FRK: variants seen among roughly 807,000 people sequenced by gnomAD.
The protein encoded by FRK is tyrosine-protein kinase FRK.
FRK carries 51 observed loss-of-function variants against 56.4 expected under a neutral mutation model. The ratio of observed to expected loss-of-function variants is 0.90; its 90% CI spans 0.72 to 1.14. FRK has a LOEUF of 1.14. FRK is among the 50% of genes most tolerant of loss of function. The probability of loss-of-function intolerance (pLI) is 0.00; values close to 1 mark genes in which losing one functional copy is unlikely to be tolerated. For missense variants in FRK, 570 were observed against 601.4 expected, an observed-to-expected ratio of 0.95 and a Z score of 0.55; for synonymous variants, 245 against 217.9, an observed-to-expected ratio of 1.12 and a Z score of -1.10.
At chr6:115,953,154 A>C (rs1179476041) in intron 5 of FRK, among the ~76,000 whole-genome samples, 1 of 149,108 alleles carries the variant, frequency 6.7e-6, no homozygotes, top group African/African-American at 2.5e-5. Context: ...TGGGCTACTT[A>C]AGAGTGGTAC....
chr6:115,942,220 C>T lies in FRK; in HGVS notation c.*194G>A. The T allele has an allele frequency of 1.9e-6, 1 of 517,780 alleles. No homozygotes were observed. Among genetic ancestry groups the T allele is most frequent in the East Asian group, 3.4e-5 (1 of 29,250 alleles). 32.1% of individuals were successfully genotyped at this position (517,780 alleles called of 1,614,324 possible). A position where few individuals can be genotyped will look rare whatever the true frequency, so the allele number is the denominator to read the frequency against. On this transcript the variant is annotated 3_prime_UTR_variant, in exon 8 of 8. Transcript: ENST00000606080. ...AGGCAGTGAGGAAATTATATATCAC[C>T]TTGACTGTCCTGCAGTGTTGCCCAG...
intron 2 of FRK, among the ~76,000 whole-genome samples, chr6:115,977,974 A>C (rs1264778608): frequency 1.3e-5 from 2 of 152,188 alleles, no homozygotes; most frequent in Non-Finnish European, 1.5e-5. Flanking sequence ...CAGCTAATTT[A>C]ATTGAAAATT....
chr6:116,021,695 T>G (rs1775877403), intron 1 of FRK, among the ~76,000 whole-genome samples: 1 of 152,158 alleles, frequency 6.6e-6, no homozygotes, highest in Non-Finnish European at 1.5e-5. Context: ...TTAAGAAATC[T>G]GCATAAATTT....
chr6:116,088,350 A>C, the FRK span, among the ~76,000 whole-genome samples: 3 of 152,210 alleles, frequency 2.0e-5, no homozygotes, highest in Non-Finnish European at 4.4e-5. Context: ...ATGAGAACTC[A>C]ATACCTCAGT....
intron 5 of FRK, among the ~76,000 whole-genome samples, chr6:115,951,519 T>A (rs1772750753): frequency 6.6e-6 from 1 of 152,216 alleles, no homozygotes; most frequent in Non-Finnish European, 1.5e-5. Context: ...TTTATCCTCT[T>A]TAAATTGTAA....
intron 4 of FRK, among the ~76,000 whole-genome samples, chr6:115,958,768 A>AGAGAAAGAG: frequency 1.2e-5 from 1 of 80,700 alleles, no homozygotes; most frequent in Non-Finnish European, 2.3e-5. Context: ...AGAAAGAAAG[A>AGAGAAAGAG]GGGGGGGGAA....
At chr6:116,000,273 C>A (rs35746600) in intron 2 of FRK, among the ~76,000 whole-genome samples, 1 of 112,492 alleles carries the variant, frequency 8.9e-6, no homozygotes, top group Non-Finnish European at 1.7e-5. Context: ...GACGGAGTCT[C>A]GCTCTGTCAC....
At position 115,941,552 on chromosome 6, in the gene FRK, T is replaced by C. The variant is rs1039003839; in HGVS notation, c.*862A>G. ...ATCTGTAGGCCAAAGGGTACTTCTTTTTCTTTATTAATTACTCAGAAGTCT... is the reference window on the plus strand; with the variant it reads ...ATCTGTAGGCCAAAGGGTACTTCTTCTTCTTTATTAATTACTCAGAAGTCT... On this transcript the variant is annotated 3_prime_UTR_variant, in exon 8 of 8. Coordinates refer to ENST00000606080, the MANE Select transcript of FRK (RefSeq NM_002031.3). 5 of 152,146 alleles carry C rather than the reference T, an allele frequency of 3.3e-5. No homozygotes were observed. The highest frequency in any genetic ancestry group is 4.4e-5 in the Non-Finnish European group (3 of 68,024). 9.4% of individuals were successfully genotyped at this position (152,146 alleles called of 1,614,324 possible).
chr6:116,024,110 C>A (rs895245996), intron 1 of FRK, among the ~76,000 whole-genome samples: 1 of 150,700 alleles, frequency 6.6e-6, no homozygotes, highest in Non-Finnish European at 1.5e-5. Context: ...ATTAGACTGA[C>A]CCATGTGAAT....
intron 4 of FRK, among the ~76,000 whole-genome samples, chr6:115,962,285 A>T (rs1471318426): frequency 5.3e-5 from 8 of 150,122 alleles, no homozygotes; most frequent in Middle Eastern, 3.4e-3. Flanking sequence ...AACAAAGATC[A>T]AAAGAGACAA....
rs142072444 is a variant in FRK, at chr6:115,942,496, G to A, written c.1436C>T (p.Thr479Ile). ...CWNAEPKERP[T>I]FETLRWKLED... ...AAGTTTCCAACGCAGTGTCTCAAAT[G>A]TAGGTCGTTCCTTAGGCTCTGCATT... Residue 479 changes from threonine to isoleucine, a missense_variant, in exon 8 of 8, where the codon ACA (threonine) becomes ATA (isoleucine). By Grantham distance (89) the Thr-to-Ile change is moderately conservative. Coordinates refer to ENST00000606080, the MANE Select transcript of FRK (RefSeq NM_002031.3). 2 of 1,613,678 alleles carry A rather than the reference G, an allele frequency of 1.2e-6. No individual in the cohort carries two copies. The highest frequency in any genetic ancestry group is 2.7e-5 in the African/African-American group (2 of 74,894).
intron 5 of FRK, among the ~76,000 whole-genome samples, chr6:115,950,727 T>C (rs991982964): frequency 6.6e-6 from 1 of 152,240 alleles, no homozygotes; most frequent in African/African-American, 2.4e-5. Flanking sequence ...CATGCATGTT[T>C]ATTGTGGCAC....
chr6:115,934,241 C>G lies in FRK; in HGVS notation c.*8173G>C, dbSNP rs562909704. On this transcript the variant is annotated 3_prime_UTR_variant, in exon 8 of 8. Coordinates refer to ENST00000606080, the MANE Select transcript of FRK (RefSeq NM_002031.3). Reference sequence around the variant, plus strand: ...CTCTGCTTTTATTCAGATAAGCCAACCTCTCAACTTGTCTCTGAGGAAGGT... The same window carrying G: ...CTCTGCTTTTATTCAGATAAGCCAAGCTCTCAACTTGTCTCTGAGGAAGGT... 2 of 152,266 alleles carry G rather than the reference C, an allele frequency of 1.3e-5. No individual in the cohort carries two copies. Among genetic ancestry groups the G allele is most frequent in the South Asian group, 4.1e-4 (2 of 4,824 alleles). The allele number at this position is 152,266 out of a possible 1,614,324, so 9.4% of individuals were successfully genotyped here.
At chr6:115,974,353 G>A (rs1773916597) in intron 2 of FRK, among the ~76,000 whole-genome samples, 1 of 152,128 alleles carries the variant, frequency 6.6e-6, no homozygotes, top group Non-Finnish European at 1.5e-5. Context: ...ATATGGCTTT[G>A]GAGATTGCTA....
At chr6:115,950,247 C>T (rs1251651405) in intron 5 of FRK, among the ~76,000 whole-genome samples, 1 of 152,152 alleles carries the variant, frequency 6.6e-6, no homozygotes, top group Non-Finnish European at 1.5e-5. Context: ...GAACAGGGAA[C>T]ATTCAGAATG....
intron 4 of FRK, among the ~76,000 whole-genome samples, chr6:115,962,577 A>G (rs1184138165): frequency 4.9e-4 from 38 of 77,748 alleles, no homozygotes; most frequent in African/African-American, 1.8e-3. Flanking sequence ...CTCCACCCCA[A>G]ATCAACAGAA....
chr6:115,971,445 C>A (rs1268171481), intron 2 of FRK, among the ~76,000 whole-genome samples: 1 of 152,126 alleles, frequency 6.6e-6, no homozygotes, highest in African/African-American at 2.4e-5. Context: ...TTTAGGTGTA[C>A]AACACTGAAT....
chr6:116,071,810 T>C, the FRK span, among the ~76,000 whole-genome samples: 1 of 152,178 alleles, frequency 6.6e-6, no homozygotes, highest in African/African-American at 2.4e-5. Context: ...TAGTCTCTCC[T>C]ATACAAGGAG....
the FRK span, among the ~76,000 whole-genome samples, chr6:116,075,770 TG>T: frequency 6.6e-6 from 1 of 152,178 alleles, no homozygotes. Flanking sequence ...CCTTGGCAAG[TG>T]GCATAAATTC....
Sources: allele counts gnomAD v4.1 joint callset (sites outside exome capture counted in the v4.1 genomes callset), GRCh38; gene constraint gnomAD v4.1.1; transcripts MANE v1.5; gene names NCBI Gene and HGNC (gene_info 2026-07-23, HGNC 2026-07-21).